The following PPP1R12B variants were observed in gnomAD, a reference collection of about 807,000 sequenced individuals.
The protein encoded by PPP1R12B is myosin phosphatase target subunit 2.
PPP1R12B carries 76 observed loss-of-function variants against 126.1 expected under a neutral mutation model. The ratio of observed to expected loss-of-function variants is 0.60; its 90% CI spans 0.50 to 0.73. The LOEUF (loss-of-function observed/expected upper bound fraction) is 0.73. PPP1R12B is among the 30% of genes least tolerant of loss of function. The pLI, the probability that PPP1R12B is intolerant of heterozygous loss-of-function variation, is 0.00. For synonymous variants in PPP1R12B, 356 were observed against 434.7 expected, an observed-to-expected ratio of 0.82 and a Z score of 2.25; for missense variants, 1,052 against 1,205.1, an observed-to-expected ratio of 0.87 and a Z score of 1.88.
intron 18 of PPP1R12B, chr1:202,539,865 C>T (rs1412417223): frequency 3.4e-6 from 1 of 297,658 alleles, no homozygotes; most frequent in African/African-American, 2.2e-5. Context: ...TGTTGCTCAG[C>T]ACAATACCCT....
intron 23 of PPP1R12B, among the ~76,000 whole-genome samples, chr1:202,578,198 T>C (rs1377347674): frequency 6.6e-6 from 1 of 152,178 alleles, no homozygotes; most frequent in East Asian, 1.9e-4. Flanking sequence ...CTTCTTAATG[T>C]GGAAATAAAT....
chr1:202,469,874 C>A (rs1432338079), intron 13 of PPP1R12B, among the ~76,000 whole-genome samples: 2 of 152,100 alleles, frequency 1.3e-5, no homozygotes, highest in Non-Finnish European at 2.9e-5. Context: ...ATGGAAAGTT[C>A]AGAAATCCCT....
At chr1:202,440,670 T>TAA (rs1169111688) in intron 10 of PPP1R12B, 36 bp from the exon 11 acceptor site, 1 of 1,497,572 alleles carries the variant, frequency 6.7e-7, no homozygotes, top group Non-Finnish European at 9.3e-7. Context: ...GCCAGTATTG[T>TAA]ACCTTTCTTG....
chr1:202,512,459 G>C (rs1399424721), intron 18 of PPP1R12B, among the ~76,000 whole-genome samples: 1 of 152,186 alleles, frequency 6.6e-6, no homozygotes, highest in East Asian at 1.9e-4. Flanking sequence ...GCATGGAATT[G>C]GCTTTGGAGC....
At chr1:202,494,701 G>A (rs568686492) in intron 15 of PPP1R12B, among the ~76,000 whole-genome samples, 10 of 149,380 alleles carry the variant, frequency 6.7e-5, no homozygotes, top group South Asian at 6.4e-4. Context: ...GCAAGACTCC[G>A]TCTCAAAAAA....
intron 18 of PPP1R12B, among the ~76,000 whole-genome samples, chr1:202,509,560 T>G (rs1681197696): frequency 6.6e-6 from 1 of 152,208 alleles, no homozygotes; most frequent in Non-Finnish European, 1.5e-5. Context: ...TACTTGAAAT[T>G]TAGCTTTTGT....
chr1:202,496,851 C>T (rs1679627760), intron 18 of PPP1R12B, 29 bp downstream of exon 18: 1 of 1,591,552 alleles, frequency 6.3e-7, no homozygotes, highest in East Asian at 2.2e-5. Context: ...AAGCATGTCT[C>T]TTGAGAGCAC....
In PPP1R12B at chr1:202,438,992, G is replaced by A. The variant is rs1034989513; in HGVS notation, c.1458+968G>A. ...CACAGGGCAGGAGCGCATGGCCCTG[G>A]CCAACCGGAAGCAGGAGTGCGGCAG... On this transcript the variant is annotated intron_variant, in intron 10 of 23. Coordinates refer to ENST00000608999, the MANE Select transcript of PPP1R12B (RefSeq NM_002481.4). 2.7e-6 allele frequency: 4 copies of A among 1,486,168 alleles called. No individual in the cohort carries two copies. The African/African-American group carries it at 5.5e-5, about 21-fold the overall frequency. The allele number at this position is 1,486,168 out of a possible 1,614,324, so 92.1% of individuals were successfully genotyped here.
At chr1:202,499,687 G>C (rs1679988883) in intron 18 of PPP1R12B, among the ~76,000 whole-genome samples, 1 of 152,192 alleles carries the variant, frequency 6.6e-6, no homozygotes, top group South Asian at 2.1e-4. Context: ...GATTTCAAAA[G>C]AAGATTGTTT....
At chr1:202,559,739 T>G (rs539778525) in intron 19 of PPP1R12B, among the ~76,000 whole-genome samples, 15 of 152,290 alleles carry the variant, frequency 9.8e-5, no homozygotes, top group Admixed American at 9.2e-4. Context: ...ATTCTAATGT[T>G]CTTCTTCTGC....
In PPP1R12B at chr1:202,443,566, G is replaced by A. The variant is rs377229868; in HGVS notation, c.1667+994G>A. ...TTCTGTAGATACATTCTATAAGAAA[G>A]GGCTCAACTTTGGAAGTATGAAAGT... On this transcript the variant is annotated intron_variant, in intron 12 of 23. Transcript: ENST00000608999. 3.9e-5 allele frequency among the ~76,000 whole-genome samples: 6 copies of A among 152,246 alleles called. No homozygotes were observed. The East Asian group carries it at 7.7e-4, about 20-fold the overall frequency.
chr1:202,430,503 G>C (rs754915515), intron 6 of PPP1R12B, among the ~76,000 whole-genome samples: 3 of 151,882 alleles, frequency 2.0e-5, no homozygotes, highest in Non-Finnish European at 4.4e-5. Flanking sequence ...GATAGGAGCA[G>C]TTTTATTGAA....
chr1:202,425,532 G>T, intron 3 of PPP1R12B, 34 bp from the exon 4 acceptor site: 1 of 1,605,644 alleles, frequency 6.2e-7, no homozygotes. Flanking sequence ...TGGAGCTTTA[G>T]TAATCCTGGC....
intron 11 of PPP1R12B, among the ~76,000 whole-genome samples, chr1:202,441,330 AT>A (rs1192220619): frequency 5.8e-4 from 89 of 152,256 alleles, no homozygotes; most frequent in African/African-American, 1.9e-3. Flanking sequence ...TTTATTAAAA[AT>A]AATTTTCTTT....
At chr1:202,439,943 C>CAAA in intron 10 of PPP1R12B, 1 of 119,356 alleles carries the variant, frequency 8.4e-6, no homozygotes, top group Admixed American at 8.4e-5. Context: ...TCCTACCCTG[C>CAAA]AAAAAAAAAA....
At chr1:202,430,894 A>T in intron 7 of PPP1R12B, 84 bp downstream of exon 7, 39 of 1,524,634 alleles carry the variant, frequency 2.6e-5, no homozygotes, top group Non-Finnish European at 3.4e-5. Flanking sequence ...AAAGTGAAGA[A>T]ACTCTGTGTT....
intron 18 of PPP1R12B, among the ~76,000 whole-genome samples, chr1:202,514,904 A>G (rs1681933442): frequency 1.3e-5 from 2 of 152,260 alleles, no homozygotes; most frequent in Admixed American, 1.3e-4. Context: ...AATGCCCATC[A>G]GTGACAGACT....
intron 18 of PPP1R12B, among the ~76,000 whole-genome samples, chr1:202,521,530 G>T (rs1012902593): frequency 1.3e-5 from 2 of 152,126 alleles, no homozygotes; most frequent in African/African-American, 4.8e-5. Flanking sequence ...AGAAAGAAGC[G>T]TTTAGACATC....
rs546766779 is a variant in PPP1R12B, at chr1:202,350,776, A to G, written c.291+1634A>G. Among the ~76,000 whole-genome samples, 16 of 151,894 alleles carry G rather than the reference A, an allele frequency of 1.1e-4. No homozygotes were observed. In the South Asian group the frequency reaches 3.1e-3, roughly 30 times the overall value. On this transcript the variant is annotated intron_variant, in intron 1 of 23. Coordinates refer to ENST00000608999, the MANE Select transcript of PPP1R12B (RefSeq NM_002481.4). ...GCTGGGATTACAGGCGCCTGCCACCACGCCTAGATAATATTTGTATTTTTA... is the reference window on the plus strand; with the variant it reads ...GCTGGGATTACAGGCGCCTGCCACCGCGCCTAGATAATATTTGTATTTTTA...
Sources: gnomAD v4.1 joint callset for allele counts (sites outside exome capture counted in the v4.1 genomes callset) on GRCh38, gnomAD v4.1.1 for gene constraint, MANE v1.5 for transcripts, NCBI Gene and HGNC (gene_info 2026-07-23, HGNC 2026-07-21) for gene names.